The following TRPM3 variants were observed in gnomAD, a reference collection of about 807,000 sequenced individuals.
The protein encoded by TRPM3 is transient receptor potential cation channel subfamily M member 3.
Under a neutral mutation model 181.2 loss-of-function variants are expected in TRPM3, and 77 were observed. That is an observed-to-expected ratio of 0.42 (90% CI 0.35 to 0.51). TRPM3 has a LOEUF of 0.51. Ranked by LOEUF, TRPM3 falls within the 20% of genes least tolerant of loss-of-function variation. The probability of loss-of-function intolerance (pLI) is 0.01; values close to 1 mark genes in which losing one functional copy is unlikely to be tolerated. For synonymous variants in TRPM3, 745 were observed against 796.4 expected, an observed-to-expected ratio of 0.94 and a Z score of 1.09; for missense variants, 1,759 against 2,196.7, an observed-to-expected ratio of 0.80 and a Z score of 3.98.
intron 1 of TRPM3, among the ~76,000 whole-genome samples, chr9:71,232,293 C>T (rs768697152): frequency 8.5e-5 from 13 of 152,080 alleles, no homozygotes; most frequent in Non-Finnish European, 1.8e-4. Context: ...TCTTAAAAAC[C>T]TGCCAAGGCC....
Position 70,915,103 on chromosome 9 carries a change from A to G in TRPM3, c.178-50592T>C, listed in dbSNP as rs559406949. On this transcript the variant is annotated intron_variant, in intron 1 of 25. Coordinates refer to ENST00000677713, the MANE Select transcript of TRPM3 (RefSeq NM_001366145.2). Reference sequence around the variant, plus strand: ...CAGAAAACATGGCCTCATGAAATGAACCAAATAAGATCATAGAGAAACAGA... The same window carrying G: ...CAGAAAACATGGCCTCATGAAATGAGCCAAATAAGATCATAGAGAAACAGA... 2.0e-5 allele frequency among the ~76,000 whole-genome samples: 3 copies of G among 152,344 alleles called. No homozygotes were observed. In the South Asian group the frequency reaches 6.2e-4, roughly 32 times the overall value.
In TRPM3 at chr9:70,790,834, T is replaced by C. The variant is rs2085203286; in HGVS notation, c.974-6555A>G. Among the ~76,000 whole-genome samples the C allele has an allele frequency of 2.0e-5, 3 of 152,322 alleles. No homozygotes were observed. In the South Asian group the frequency reaches 6.2e-4, roughly 32 times the overall value. ...TTCTTACAATTAGGAAGATTCCCAG[T>C]TGTGAATACATGAATATTCAGGTAC... On this transcript the variant is annotated intron_variant, in intron 6 of 25. Transcript: ENST00000677713.
intron 21 of TRPM3, among the ~76,000 whole-genome samples, chr9:70,596,841 G>A (rs151050798): frequency 2.6e-5 from 4 of 152,092 alleles, no homozygotes; most frequent in East Asian, 3.9e-4. Context: ...ATACCTCACC[G>A]CAGTCTTGAA....
chr9:70,686,694 C>CTTCCTGGAAACTCCTTCCTTCT (rs1563994552), intron 8 of TRPM3, among the ~76,000 whole-genome samples: 162 of 59,742 alleles, frequency 2.7e-3, no homozygotes, highest in African/African-American at 5.9e-3. Context: ...TCTTTCCTTC[C>CTTCCTGGAAACTCCTTCCTTCT]TTCCTTCCTT....
chr9:71,178,806 A>G (rs1333348762), intron 1 of TRPM3, among the ~76,000 whole-genome samples: 1 of 152,046 alleles, frequency 6.6e-6, no homozygotes, highest in Non-Finnish European at 1.5e-5. Context: ...ATCTATTTCA[A>G]AGTCATGAGC....
intron 24 of TRPM3, 78 bp from the exon 25 acceptor site, chr9:70,549,752 T>C (rs1480386586): frequency 2.7e-6 from 4 of 1,456,742 alleles, no homozygotes; most frequent in Non-Finnish European, 3.7e-6. Context: ...CCTAGTGACA[T>C]TCTCAGTATA....
At chr9:71,205,726 C>T (rs1311975404) in intron 1 of TRPM3, among the ~76,000 whole-genome samples, 2 of 152,162 alleles carry the variant, frequency 1.3e-5, no homozygotes. Context: ...CTCATTCTTC[C>T]CACATTTACA....
intron 17 of TRPM3, among the ~76,000 whole-genome samples, chr9:70,616,408 ACT>A (rs1466491017): frequency 2.0e-5 from 3 of 151,994 alleles, no homozygotes; most frequent in Non-Finnish European, 4.4e-5. Flanking sequence ...GGAAAGAGAG[ACT>A]CTATTTAAGG....
At chr9:71,166,754 A>G (rs527664823) in intron 1 of TRPM3, among the ~76,000 whole-genome samples, 73 of 152,230 alleles carry the variant, frequency 4.8e-4, no homozygotes, top group Non-Finnish European at 9.3e-4. Context: ...GTAGAAGCTC[A>G]AATGTGAAAC....
At chr9:71,204,353 A>G (rs1217730875) in intron 1 of TRPM3, among the ~76,000 whole-genome samples, 1 of 152,062 alleles carries the variant, frequency 6.6e-6, no homozygotes, top group Non-Finnish European at 1.5e-5. Context: ...AATGAACTCA[A>G]ACAAATTTAC....
intron 3 of TRPM3, among the ~76,000 whole-genome samples, chr9:70,858,788 C>T (rs2095449862): frequency 6.6e-6 from 1 of 151,696 alleles, no homozygotes; most frequent in Admixed American, 6.6e-5. Flanking sequence ...CATTGCTGTG[C>T]ACTTGCTATC....
At position 70,603,344 on chromosome 9, in the gene TRPM3, C is replaced by G; in HGVS notation, c.2794G>C (p.Glu932Gln). The G allele has an allele frequency of 6.2e-7, 1 of 1,612,804 alleles. No homozygotes were observed. The highest frequency in any genetic ancestry group is 8.5e-7 in the Non-Finnish European group (1 of 1,179,548). The part of the protein sequence containing the change: ...IFTLGIEKMR[E>Q]ILMSEPGKLL... ...TTTTCTTTTATAAAAGCCGTTACCT[C>G]TCTCATCTTTTCTATTCCCAGGGTG... Residue 932 changes from glutamate (E) to glutamine (Q), a missense_variant and splice_region_variant, in exon 20 of 26, where the codon GAG becomes CAG. By Grantham distance (29) the Glu-to-Gln change is conservative (BLOSUM62 2). Coordinates refer to ENST00000677713, the MANE Select transcript of TRPM3 (RefSeq NM_001366145.2).
intron 9 of TRPM3, among the ~76,000 whole-genome samples, chr9:70,671,061 T>C (rs1313417927): frequency 5.9e-5 from 9 of 152,210 alleles, no homozygotes. Context: ...CTGTGGTAAG[T>C]AAAACAGGTG....
rs1351606008 is a variant in TRPM3, at chr9:70,821,347, G to A, written c.973+6500C>T. On this transcript the variant is annotated intron_variant, in intron 6 of 25. Transcript: ENST00000677713. The stretch of plus-strand genomic sequence containing the variant: ...ATAGAGAAAACAAGATTGGCCCAGG[G>A]CTGATAAATATAGAGGCTGGATGAT... 5.3e-5 allele frequency among the ~76,000 whole-genome samples: 8 copies of A among 152,268 alleles called. No individual in the cohort carries two copies. In the East Asian group the frequency reaches 1.4e-3, roughly 26 times the overall value.
At chr9:71,105,703 C>A (rs1434725402) in intron 1 of TRPM3, among the ~76,000 whole-genome samples, 1 of 152,150 alleles carries the variant, frequency 6.6e-6, no homozygotes, top group Non-Finnish European at 1.5e-5. Context: ...ACCTTGCTAT[C>A]TCTAAGAACT....
In TRPM3 at chr9:70,963,334, A is replaced by G. The variant is rs72731713; in HGVS notation, c.178-98823T>C. Reference sequence around the variant, plus strand: ...TTTCTCCCATTTTACAGCTTCAGAAATGTGGTTCAGTAAAAGCAGCTAGAC... The same window carrying G: ...TTTCTCCCATTTTACAGCTTCAGAAGTGTGGTTCAGTAAAAGCAGCTAGAC... On this transcript the variant is annotated intron_variant, in intron 1 of 25. Coordinates refer to ENST00000677713, the MANE Select transcript of TRPM3 (RefSeq NM_001366145.2). 9.2e-5 allele frequency among the ~76,000 whole-genome samples: 14 copies of G among 152,342 alleles called. No homozygotes were observed. The South Asian group carries it at 2.3e-3, about 25-fold the overall frequency.
chr9:71,127,766 T>C (rs770523910), intron 1 of TRPM3, among the ~76,000 whole-genome samples: 3 of 152,350 alleles, frequency 2.0e-5, no homozygotes, highest in Middle Eastern at 3.4e-3. Flanking sequence ...GCACAGGCCA[T>C]AGACCGAATG....
intron 1 of TRPM3, among the ~76,000 whole-genome samples, chr9:71,061,318 G>C (rs758981781): frequency 7.9e-5 from 12 of 152,088 alleles, no homozygotes; most frequent in Non-Finnish European, 1.5e-4. Flanking sequence ...TACTGGCTTG[G>C]GACATCCCAA....
upstream of TRPM3, among the ~76,000 whole-genome samples, chr9:71,126,615 T>C (rs2074045682): frequency 6.6e-6 from 1 of 152,216 alleles, no homozygotes. Flanking sequence ...TTTCCCCTTT[T>C]GCCATCTTTT....
Sources: allele counts gnomAD v4.1 joint callset (sites outside exome capture counted in the v4.1 genomes callset), GRCh38; gene constraint gnomAD v4.1.1; transcripts MANE v1.5; gene names NCBI Gene and HGNC (gene_info 2026-07-23, HGNC 2026-07-21).